Variants in SCD5 observed in about 807,000 individuals in gnomAD.
The protein encoded by SCD5 is acyl-CoA-desaturase 4.
In SCD5, 20 loss-of-function variants were observed where a neutral mutation model predicts 30.4. The ratio of observed to expected loss-of-function variants is 0.66; its 90% CI spans 0.46 to 0.96. SCD5 has a LOEUF of 0.96. SCD5 is among the 40% of genes least tolerant of loss of function. SCD5 has a pLI of 0.00. For missense variants in SCD5, 381 were observed against 443.3 expected (o/e 0.86, Z 1.26); for synonymous variants, 173 against 176.4 (o/e 0.98, Z 0.16).
At chr4:82,650,455 G>A (rs1284627508) in intron 3 of SCD5, among the ~76,000 whole-genome samples, 4 of 152,176 alleles carry the variant, frequency 2.6e-5, no homozygotes, top group African/African-American at 7.2e-5. Context: ...AGCACTTTGG[G>A]AGGCCAAAGG....
chr4:82,747,052 A>T (rs1282307608), intron 1 of SCD5, among the ~76,000 whole-genome samples: 1 of 133,560 alleles, frequency 7.5e-6, no homozygotes, highest in Non-Finnish European at 1.7e-5. Context: ...GCAGTTAGAG[A>T]AAAGTCTGGG....
Position 82,706,709 on chromosome 4 carries a change from G to A in SCD5, c.233-1296C>T, listed in dbSNP as rs559157376. Among the ~76,000 whole-genome samples the A allele has an allele frequency of 4.6e-5, 7 of 152,338 alleles. No homozygotes were observed. The East Asian group carries it at 1.3e-3, about 29-fold the overall frequency. On this transcript the variant is annotated intron_variant, in intron 1 of 4. Transcript: ENST00000319540. ...CCTGATTACAATAGCAAATCTTGAGGCCAAGAAAGTGAGACATGAAGACAA... is the reference window on the plus strand; with the variant it reads ...CCTGATTACAATAGCAAATCTTGAGACCAAGAAAGTGAGACATGAAGACAA...
chr4:82,695,077 CT>C (rs1235020349), intron 2 of SCD5, among the ~76,000 whole-genome samples: 1 of 140,922 alleles, frequency 7.1e-6, no homozygotes, highest in African/African-American at 2.9e-5. Flanking sequence ...AGCACTCAGC[CT>C]TTAACTTGTG....
At chr4:82,712,620 C>A (rs1172797909) in intron 1 of SCD5, among the ~76,000 whole-genome samples, 1 of 151,944 alleles carries the variant, frequency 6.6e-6, no homozygotes, top group African/African-American at 2.4e-5. Flanking sequence ...CTGGCCTCAA[C>A]TTGTATTTCT....
chr4:82,696,504 T>C (rs1258345098), intron 2 of SCD5, among the ~76,000 whole-genome samples: 4 of 152,246 alleles, frequency 2.6e-5, no homozygotes, highest in Admixed American at 6.5e-5. Flanking sequence ...TCTTCATTAA[T>C]GTCTGGGAAC....
rs567323785 is a variant in SCD5, at chr4:82,688,769, T to C, written c.364-7857A>G. Among the ~76,000 whole-genome samples the C allele has an allele frequency of 1.4e-4, 22 of 152,268 alleles. No homozygotes were observed. The South Asian group carries it at 4.6e-3, about 32-fold the overall frequency. ...GTAGTTTAAAAAGTGCCAATAAAAC[T>C]TAAAGTTTGAAAAAAAGGAAAGAAA... On this transcript the variant is annotated intron_variant, in intron 2 of 4. Transcript: ENST00000319540.
At chr4:82,705,168 G>T in intron 2 of SCD5, 115 bp downstream of exon 2, 2 of 1,309,572 alleles carry the variant, frequency 1.5e-6, no homozygotes, top group Non-Finnish European at 2.1e-6. Context: ...GCGTGCTTGG[G>T]GCCTGAACAC....
intron 1 of SCD5, among the ~76,000 whole-genome samples, chr4:82,713,672 T>A (rs754017540): frequency 1.3e-5 from 2 of 152,250 alleles, no homozygotes; most frequent in Non-Finnish European, 2.9e-5. Context: ...AGCTGGCATC[T>A]GTGCAACTAA....
intron 1 of SCD5, among the ~76,000 whole-genome samples, chr4:82,795,793 G>A (rs888549418): frequency 9.4e-6 from 1 of 106,262 alleles, no homozygotes; most frequent in Non-Finnish European, 1.7e-5. Context: ...CTGCACTCCA[G>A]CAAGACCCTG....
At chr4:82,781,141 G>A (rs1028170931) in intron 1 of SCD5, among the ~76,000 whole-genome samples, 2 of 152,312 alleles carry the variant, frequency 1.3e-5, no homozygotes, top group East Asian at 1.9e-4. Flanking sequence ...AGGGCCGGGC[G>A]TGGTGGCTCA....
chr4:82,703,516 T>C lies in SCD5; in HGVS notation c.363+1767A>G, dbSNP rs150655156. Among the ~76,000 whole-genome samples the C allele has an allele frequency of 9.7e-3, 1,484 of 152,332 alleles. 15 individuals carry two copies. The highest frequency in any genetic ancestry group is 0.049 in the South Asian group (237 of 4,820). On this transcript the variant is annotated intron_variant, in intron 2 of 4. Transcript: ENST00000319540. ...ACTGATACTTGCAGAAAGGCTCACA[T>C]CTAGCAAATGGCAGAGCAAAGAATT...
intron 2 of SCD5, among the ~76,000 whole-genome samples, chr4:82,693,469 G>A (rs1719611278): frequency 6.6e-6 from 1 of 152,120 alleles, no homozygotes; most frequent in South Asian, 2.1e-4. Flanking sequence ...TACTGCAAAA[G>A]CCTCCTGAAC....
chr4:82,663,043 A>G (rs1265476457), intron 3 of SCD5, among the ~76,000 whole-genome samples: 1 of 152,164 alleles, frequency 6.6e-6, no homozygotes, highest in Non-Finnish European at 1.5e-5. Flanking sequence ...TAGATGTAGA[A>G]AGTCACTAGG....
intron 1 of SCD5, among the ~76,000 whole-genome samples, chr4:82,739,971 C>A (rs1301741811): frequency 6.6e-6 from 1 of 152,182 alleles, no homozygotes; most frequent in Non-Finnish European, 1.5e-5. Context: ...AGCCTGCTCA[C>A]CTGTGTCGGC....
At chr4:82,645,583 C>T (rs1050628683) in intron 3 of SCD5, among the ~76,000 whole-genome samples, 2 of 152,186 alleles carry the variant, frequency 1.3e-5, no homozygotes, top group African/African-American at 4.8e-5. Context: ...CTCAAATTCT[C>T]ATCGCACCAA....
chr4:82,722,896 C>T (rs1228817934), intron 1 of SCD5, among the ~76,000 whole-genome samples: 1 of 151,844 alleles, frequency 6.6e-6, no homozygotes, highest in Non-Finnish European at 1.5e-5. Context: ...AGTGAAACCC[C>T]GTCTCCACTA....
intron 3 of SCD5, among the ~76,000 whole-genome samples, chr4:82,645,299 G>T (rs1727615299): frequency 7.2e-6 from 1 of 139,392 alleles, no homozygotes; most frequent in Admixed American, 7.5e-5. Flanking sequence ...GGGTGACAGA[G>T]TGAGACCGTC....
intron 3 of SCD5, among the ~76,000 whole-genome samples, chr4:82,650,127 A>C (rs568405977): frequency 5.3e-5 from 8 of 152,280 alleles, no homozygotes; most frequent in African/African-American, 1.7e-4. Flanking sequence ...GGTAGTAGAC[A>C]CACTCCTTAG....
At chr4:82,694,747 T>A (rs960747181) in intron 2 of SCD5, among the ~76,000 whole-genome samples, 2 of 152,208 alleles carry the variant, frequency 1.3e-5, no homozygotes, top group South Asian at 4.1e-4. Context: ...AAGGTCTTCA[T>A]CCTTGTCTTC....
Sources: gnomAD v4.1 joint callset for allele counts (sites outside exome capture counted in the v4.1 genomes callset) on GRCh38, gnomAD v4.1.1 for gene constraint, MANE v1.5 for transcripts, NCBI Gene and HGNC (gene_info 2026-07-23, HGNC 2026-07-21) for gene names.